Variants in YJU2 observed in about 807,000 individuals in gnomAD.
The protein encoded by YJU2 is splicing factor YJU2.
YJU2 carries 28 observed loss-of-function variants against 39.6 expected under a neutral mutation model. That is an observed-to-expected ratio of 0.71 (90% CI 0.52 to 0.97). The LOEUF is 0.97. Among genes scored for constraint, YJU2 ranks in the 50% least tolerant of loss-of-function variants. The pLI is 0.00. For synonymous variants in YJU2, 184 were observed against 182.4 expected (o/e 1.01, Z -0.07); for missense variants, 328 against 430.4 (o/e 0.76, Z 2.11).
At chr19:4,254,574 G>A in intron 4 of YJU2, 85 bp downstream of exon 4, 1 of 1,446,392 alleles carries the variant, frequency 6.9e-7, no homozygotes, top group Non-Finnish European at 9.1e-7. Flanking sequence ...TCCTGCCTCA[G>A]GTCCCCAAGG....
At chr19:4,247,430 C>T in intron 1 of YJU2, 2 of 397,510 alleles carry the variant, frequency 5.0e-6, no homozygotes, top group East Asian at 3.9e-5. Flanking sequence ...CCAATCACCA[C>T]CAGATAGGGT....
Position 4,259,324 on chromosome 19 carries a change from C to T in YJU2, c.587+901C>T, listed in dbSNP as rs1185528413. Among the ~76,000 whole-genome samples the T allele has an allele frequency of 2.0e-5, 3 of 152,048 alleles. No homozygotes were observed. The East Asian group carries it at 5.8e-4, about 30-fold the overall frequency. On this transcript the variant is annotated intron_variant, in intron 5 of 7. Transcript: ENST00000262962. ...TCGATCTCCTGACCTCGTGATCCGC[C>T]CGCCTCGGCCTCCCAAAGTGCTGGG... is the stretch of plus-strand genomic sequence containing the variant.
intron 6 of YJU2, 34 bp from the exon 7 acceptor site, chr19:4,267,590 G>C (rs1568364783): frequency 6.2e-6 from 10 of 1,604,364 alleles, no homozygotes; most frequent in Non-Finnish European, 8.5e-6. Flanking sequence ...CTGGATCCGG[G>C]CCAGACCCCC....
intron 6 of YJU2, among the ~76,000 whole-genome samples, chr19:4,262,614 ATCTT>A (rs761950684): frequency 6.6e-6 from 1 of 151,896 alleles, no homozygotes; most frequent in South Asian, 2.1e-4. Context: ...GTGCCAATAA[ATCTT>A]TATTTATAGG....
chr19:4,268,510 T>C, intron 7 of YJU2, 74 bp from the exon 8 acceptor site: 2 of 1,053,572 alleles, frequency 1.9e-6, no homozygotes, highest in Non-Finnish European at 2.9e-6. Context: ...CCTGCAGAGG[T>C]GGCCGGCCCC....
At position 4,258,295 on chromosome 19, in the gene YJU2, C is replaced by G. The variant is rs1234837290; in HGVS notation, c.459C>G (p.Asn153Lys). The stretch of plus-strand genomic sequence containing the variant: ...AGCTGGAGATGGAGGTGCTGGAGAA[C>G]CTCCAGGAGCTGAAAGACCTGAACC... Reference protein sequence around the residue: ...DSKLEMEVLENLQELKDLNQR... With the variant: ...DSKLEMEVLEKLQELKDLNQR... Residue 153 changes from asparagine to lysine, a missense_variant, in exon 5 of 8, where the codon AAC becomes AAG. Physicochemically the swap from Asn to Lys is moderately conservative, Grantham distance 94. Around this residue, in one of 2 missense-constraint regions of YJU2, gnomAD observed 244 missense variants for 264.6 expected, o/e 0.92. Coordinates refer to ENST00000262962, the MANE Select transcript of YJU2 (RefSeq NM_018074.6). 1 of 1,564,752 alleles carries G rather than the reference C, an allele frequency of 6.4e-7. No individual in the cohort carries two copies. The highest frequency in any genetic ancestry group is 8.7e-7 in the Non-Finnish European group (1 of 1,154,194).
rs149532640 is a variant in YJU2, at chr19:4,254,840, G to A, written c.405+351G>A. On this transcript the variant is annotated intron_variant, in intron 4 of 7. Coordinates refer to ENST00000262962, the MANE Select transcript of YJU2 (RefSeq NM_018074.6). ...TTGGAGGCCGAAGTGGGTGGGTCACGAGGTCAGGAGTTTGAGACCAGCCTG... is the reference window on the plus strand; with the variant it reads ...TTGGAGGCCGAAGTGGGTGGGTCACAAGGTCAGGAGTTTGAGACCAGCCTG... Among the ~76,000 whole-genome samples the A allele has an allele frequency of 9.9e-4, 151 of 152,048 alleles. No homozygotes were observed. The East Asian group carries it at 0.024, about 24-fold the overall frequency.
Position 4,267,638 on chromosome 19 carries a change from G to C in YJU2, c.723G>C (p.Lys241Asn). ...ATCACCTGCAGGCCCCAAAGCCCAA[G>C]AGGAAGGTGGAGGTCTGGGAGCAGA... ...TAILDEAPKP[K>N]RKVEVWEQSV... The change falls in exon 7 of 8, where the codon AAG (lysine) becomes AAC (asparagine). Residue 241 changes from lysine to asparagine, a missense_variant. Lys to Asn is a moderately conservative substitution (Grantham distance 94). This residue lies in a region of YJU2 where 244 missense variants were observed against 264.6 expected (regional missense o/e 0.92). Coordinates refer to ENST00000262962, the MANE Select transcript of YJU2 (RefSeq NM_018074.6). 1 of 1,613,216 alleles carries C rather than the reference G, an allele frequency of 6.2e-7. No individual in the cohort carries two copies. The highest frequency in any genetic ancestry group is 8.5e-7 in the Non-Finnish European group (1 of 1,179,884).
rs1185641336 is a variant in YJU2, at chr19:4,258,289, G to A, written c.453G>A (p.Leu151=). Residue 151 remains leucine, a synonymous_variant, in exon 5 of 8, where the codon CTG becomes CTA. Transcript: ENST00000262962. ...TKDSKLEMEV[L]ENLQELKDLN... ...ACTCCAAGCTGGAGATGGAGGTGCTGGAGAACCTCCAGGAGCTGAAAGACC... is the reference window on the plus strand; with the variant it reads ...ACTCCAAGCTGGAGATGGAGGTGCTAGAGAACCTCCAGGAGCTGAAAGACC... 1 of 1,562,300 alleles carries A rather than the reference G, an allele frequency of 6.4e-7. No individual in the cohort carries two copies. Among genetic ancestry groups the A allele is most frequent in the South Asian group, 1.2e-5 (1 of 84,798 alleles).
At chr19:4,259,273 G>C (rs948036918) in intron 5 of YJU2, among the ~76,000 whole-genome samples, 3 of 151,780 alleles carry the variant, frequency 2.0e-5, no homozygotes, top group Admixed American at 2.0e-4. Context: ...TAGAGATGGG[G>C]TTTCACCGTG....
intron 7 of YJU2, 52 bp downstream of exon 7, chr19:4,267,826 G>A (rs781343138): frequency 2.6e-6 from 4 of 1,525,526 alleles, no homozygotes; most frequent in Non-Finnish European, 3.5e-6. Flanking sequence ...GTGGCCTGTA[G>A]GTGGCAGCAG....
chr19:4,253,261 A>G (rs1357355154), intron 3 of YJU2, among the ~76,000 whole-genome samples: 1 of 151,350 alleles, frequency 6.6e-6, no homozygotes, highest in South Asian at 2.1e-4. Context: ...AAAAGAAACT[A>G]AAGGTGGAAT....
In YJU2 at chr19:4,250,011, CCTT is replaced by C. The variant is rs528126877; in HGVS notation, c.125+686_125+688del. On this transcript the variant is annotated intron_variant, in intron 2 of 7. Coordinates refer to ENST00000262962, the MANE Select transcript of YJU2 (RefSeq NM_018074.6). ...CGTGAGCTGCCGCACCTGGCCTTCT[CCTT>C]CTACTTACACATGGCAGGCTCCTCT... 5.3e-3 allele frequency among the ~76,000 whole-genome samples: 810 copies of C among 152,130 alleles called. 6 individuals are homozygous for C. Among genetic ancestry groups the C allele is most frequent in the African/African-American group, 0.019 (776 of 41,534 alleles).
intron 5 of YJU2, among the ~76,000 whole-genome samples, chr19:4,259,727 C>T (rs1294656581): frequency 6.6e-6 from 1 of 152,072 alleles, no homozygotes; most frequent in African/African-American, 2.4e-5. Flanking sequence ...TGCTGATCCC[C>T]TCCTTTCCTG....
At chr19:4,254,252 C>T in intron 3 of YJU2, 103 bp from the exon 4 acceptor site, 1 of 833,664 alleles carries the variant, frequency 1.2e-6, no homozygotes, top group Non-Finnish European at 2.0e-6. Flanking sequence ...GGTAGTAGAA[C>T]CAGTAAAAAT....
At chr19:4,260,747 A>G (rs1971064396) in intron 5 of YJU2, among the ~76,000 whole-genome samples, 1 of 151,708 alleles carries the variant, frequency 6.6e-6, no homozygotes, top group Admixed American at 6.6e-5. Context: ...GGCATGAGCC[A>G]CTGCATCTGG....
intron 6 of YJU2, 78 bp downstream of exon 6, chr19:4,262,192 CTT>C (rs1971076831): frequency 6.8e-7 from 1 of 1,470,790 alleles, no homozygotes; most frequent in African/African-American, 1.4e-5. Flanking sequence ...TTGACTTTTT[CTT>C]TTGTTTTTTG....
At chr19:4,251,637 A>G (rs1198449683) in intron 3 of YJU2, among the ~76,000 whole-genome samples, 1 of 149,844 alleles carries the variant, frequency 6.7e-6, no homozygotes, top group African/African-American at 2.5e-5. Flanking sequence ...GTGAGCGAAG[A>G]TTGCACCGCT....
chr19:4,266,114 TG>T (rs1215324207), intron 6 of YJU2, among the ~76,000 whole-genome samples: 1 of 152,026 alleles, frequency 6.6e-6, no homozygotes, highest in Non-Finnish European at 1.5e-5. Context: ...CCACCAAGCC[TG>T]GCTAATTTCT....
Sources: gnomAD v4.1 joint callset for allele counts (sites outside exome capture counted in the v4.1 genomes callset) on GRCh38, gnomAD v4.1.1 for gene constraint, gnomAD v4.1.1 regional missense constraint, MANE v1.5 for transcripts, NCBI Gene and HGNC (gene_info 2026-07-23, HGNC 2026-07-21) for gene names.